KIF21A: variants seen among roughly 807,000 people sequenced by gnomAD.
KIF21A encodes kinesin family member 21A, also known as kinesin-like protein KIF21A.
A neutral mutation model predicts 202.9 loss-of-function variants in KIF21A; 114 were observed. The ratio of observed to expected loss-of-function variants is 0.56; its 90% confidence interval spans 0.48 to 0.66. KIF21A has a LOEUF of 0.66. Among genes scored for constraint, KIF21A ranks in the 30% least tolerant of loss-of-function variants. The pLI, the probability that KIF21A is intolerant of heterozygous loss-of-function variation, is 0.00. For synonymous variants in KIF21A, 667 were observed against 670.8 expected (o/e 0.99, Z 0.09); for missense variants, 1,677 against 1,994.9 (o/e 0.84, Z 3.04).
chr12:39,363,336 G>A, intron 6 of KIF21A, 123 bp from the exon 7 acceptor site: 2 of 638,548 alleles, frequency 3.1e-6, no homozygotes, highest in East Asian at 2.9e-5. Flanking sequence ...ATTTGTGTTT[G>A]GTTTTGTTTT....
chr12:39,331,325 T>C (rs2138092277), intron 22 of KIF21A, among the ~76,000 whole-genome samples: 1 of 152,340 alleles, frequency 6.6e-6, no homozygotes, highest in South Asian at 2.1e-4. Context: ...GATTAAATTA[T>C]TTTTTCTTTT....
chr12:39,432,167 T>A (rs886154884), intron 1 of KIF21A, among the ~76,000 whole-genome samples: 1 of 152,240 alleles, frequency 6.6e-6, no homozygotes, highest in South Asian at 2.1e-4. Context: ...AGTTATGGTC[T>A]TGTGTTTGAT....
intron 10 of KIF21A, among the ~76,000 whole-genome samples, chr12:39,354,236 G>A (rs1223702451): frequency 1.3e-5 from 2 of 152,012 alleles, no homozygotes; most frequent in African/African-American, 4.8e-5. Flanking sequence ...AATTACAACA[G>A]GACAGTACTA....
At chr12:39,398,671 T>G (rs1951937871) in intron 1 of KIF21A, among the ~76,000 whole-genome samples, 1 of 152,202 alleles carries the variant, frequency 6.6e-6, no homozygotes, top group Non-Finnish European at 1.5e-5. Flanking sequence ...TTTGAAAATA[T>G]GTAATTCTGC....
At chr12:39,369,591 C>T in intron 3 of KIF21A, 138 bp downstream of exon 3, 2 of 659,444 alleles carry the variant, frequency 3.0e-6, no homozygotes, top group East Asian at 2.7e-5. Context: ...TTTCTACTAT[C>T]TAATGTTAAT....
rs1375736324 is a variant in KIF21A at position 39,319,461 on chromosome 12, C to T, written c.3779+445G>A. 3.9e-5 allele frequency among the ~76,000 whole-genome samples: 6 copies of T among 152,128 alleles called. No individual in the cohort carries two copies. In the East Asian group the frequency reaches 9.6e-4, roughly 24 times the overall value. Reference sequence around the variant, plus strand: ...ATGAGAGAGCAACAAGAAAATGGCACAATAACACACCCTATGATTAATATT... The same window carrying T: ...ATGAGAGAGCAACAAGAAAATGGCATAATAACACACCCTATGATTAATATT... On this transcript the variant is annotated intron_variant, in intron 28 of 37. Coordinates refer to ENST00000361418, the MANE Select transcript of KIF21A (RefSeq NM_001173464.2).
At chr12:39,328,191 T>C (rs1946143857) in intron 24 of KIF21A, among the ~76,000 whole-genome samples, 2 of 152,012 alleles carry the variant, frequency 1.3e-5, no homozygotes, top group African/African-American at 4.8e-5. Context: ...CACTAGAAAC[T>C]TCGTGCAAAT....
In KIF21A at chr12:39,307,557, A is replaced by C; in HGVS notation, c.4442+8T>G. 6.2e-7 allele frequency: 1 copy of C among 1,613,126 alleles called. No individual in the cohort carries two copies. Among genetic ancestry groups the C allele is most frequent in the Non-Finnish European group, 8.5e-7 (1 of 1,179,078 alleles). Reference sequence around the variant, plus strand: ...AGGCAAGAGGTATGTTTTCTTAAAAATATCTACCTTTTAAGATCCCACATC... The same window carrying C: ...AGGCAAGAGGTATGTTTTCTTAAAACTATCTACCTTTTAAGATCCCACATC... On this transcript the variant is annotated splice_region_variant and intron_variant, in intron 34 of 37. Transcript: ENST00000361418.
intron 12 of KIF21A, among the ~76,000 whole-genome samples, chr12:39,343,453 C>CA (rs928846789): frequency 2.6e-5 from 4 of 151,668 alleles, no homozygotes; most frequent in Non-Finnish European, 5.9e-5. Flanking sequence ...AATTCCTCTA[C>CA]AAAAAAAACT....
At chr12:39,360,475 C>T (rs952408209) in intron 7 of KIF21A, among the ~76,000 whole-genome samples, 27 of 151,704 alleles carry the variant, frequency 1.8e-4, no homozygotes, top group Non-Finnish European at 1.0e-4. Flanking sequence ...CTGCAACCTC[C>T]GCCTCCTGAG....
chr12:39,417,812 A>T (rs1160928191), intron 1 of KIF21A, among the ~76,000 whole-genome samples: 1 of 152,106 alleles, frequency 6.6e-6, no homozygotes, highest in Admixed American at 6.5e-5. Flanking sequence ...ATACAGTATG[A>T]CAAGTATGAC....
chr12:39,436,448 A>ATATATATATATATATTTTTTT (rs1387332677), intron 1 of KIF21A, among the ~76,000 whole-genome samples: 6 of 95,756 alleles, frequency 6.3e-5, no homozygotes, highest in Non-Finnish European at 9.9e-5. Context: ...ATATATATAT[A>ATATATATATATATATTTTTTT]TTTTTTTTTT....
In KIF21A at chr12:39,333,226, G is replaced by A. The variant is rs751352937; in HGVS notation, c.2473C>T (p.Arg825Cys). The A allele has an allele frequency of 9.9e-6, 16 of 1,613,572 alleles. No individual in the cohort carries two copies. The highest frequency in any genetic ancestry group is 2.2e-5 in the East Asian group (1 of 44,894). Reference sequence around the variant, plus strand: ...GCTTACTGTACCTCTTCAGTTTTGCGACGTAGAACCACTTCTTGGTTTCTT... The same window carrying A: ...GCTTACTGTACCTCTTCAGTTTTGCAACGTAGAACCACTTCTTGGTTTCTT... ...QKRNQEVVLR[R>C]KTEEVTALRR... The change falls in exon 18 of 38, where the codon CGC (arginine) becomes TGC (cysteine). Residue 825 changes from arginine (R) to cysteine (C), a missense_variant. Physicochemically the swap from Arg to Cys is radical, Grantham distance 180. This residue lies in a region of KIF21A where 966 missense variants were observed against 1,180.9 expected (regional missense o/e 0.82). Coordinates refer to ENST00000361418, the MANE Select transcript of KIF21A (RefSeq NM_001173464.2).
intron 1 of KIF21A, among the ~76,000 whole-genome samples, chr12:39,376,451 G>A (rs947035076): frequency 6.6e-6 from 1 of 151,980 alleles, no homozygotes; most frequent in Non-Finnish European, 1.5e-5. Flanking sequence ...CATTCAGAAA[G>A]GAATAGAACT....
rs1276276364 is a variant in KIF21A at position 39,294,354 on chromosome 12, G to A, written c.*70C>T. 7 of 1,189,522 alleles carry A rather than the reference G, an allele frequency of 5.9e-6. No individual in the cohort carries two copies. The East Asian group carries it at 7.0e-5, about 12-fold the overall frequency. 73.7% of individuals were successfully genotyped at this position (1,189,522 alleles called of 1,614,324 possible). A position where few individuals can be genotyped will look rare whatever the true frequency, so the allele number is the denominator to read the frequency against. ...CATACGTTTTGCCTAGTAAGTACAG[G>A]ACAACATTTTCCATAAAGAATACAG... On this transcript the variant is annotated 3_prime_UTR_variant, in exon 38 of 38. Transcript: ENST00000361418.
intron 26 of KIF21A, among the ~76,000 whole-genome samples, chr12:39,324,521 G>C (rs1945650932): frequency 6.6e-6 from 1 of 152,204 alleles, no homozygotes; most frequent in African/African-American, 2.4e-5. Context: ...ACCACATGTT[G>C]CGAAGCCAAT....
chr12:39,375,684 G>T (rs555252730), intron 1 of KIF21A, among the ~76,000 whole-genome samples: 1 of 152,112 alleles, frequency 6.6e-6, no homozygotes, highest in East Asian at 1.9e-4. Context: ...AGTAATAAAA[G>T]TCCTTAGTCT....
chr12:39,297,972 T>C (rs1369724525), intron 37 of KIF21A, among the ~76,000 whole-genome samples: 1 of 149,764 alleles, frequency 6.7e-6, no homozygotes, highest in Non-Finnish European at 1.5e-5. Context: ...TTTGGATATG[T>C]TAAGTTTGAG....
chr12:39,366,665 A>G (rs1156262882), intron 5 of KIF21A, 148 bp from the exon 6 acceptor site: 1 of 669,080 alleles, frequency 1.5e-6, no homozygotes. Flanking sequence ...GTCTGCTGGC[A>G]ATTAGAAATT....
Sources: gnomAD v4.1 joint callset for allele counts (sites outside exome capture counted in the v4.1 genomes callset) on GRCh38, gnomAD v4.1.1 for gene constraint, gnomAD v4.1.1 regional missense constraint, MANE v1.5 for transcripts, NCBI Gene and HGNC (gene_info 2026-07-23, HGNC 2026-07-21) for gene names.